OOEP: variants seen among roughly 807,000 people sequenced by gnomAD.
The protein encoded by OOEP is oocyte-expressed protein homolog.
Under a neutral mutation model 13.7 loss-of-function variants are expected in OOEP, and 16 were observed. The ratio of observed to expected loss-of-function variants is 1.16; its 90% CI spans 0.79 to 1.77. OOEP has a LOEUF of 1.77. OOEP is among the 40% of genes most tolerant of loss of function. The pLI is 0.00. For missense variants in OOEP, 195 were observed against 193.1 expected (o/e 1.01, Z -0.06); for synonymous variants, 89 against 77.1 (o/e 1.15, Z -0.81).
At chr6:73,375,580 A>G (rs776674537) in intron 2 of OOEP, among the ~76,000 whole-genome samples, 1 of 145,734 alleles carries the variant, frequency 6.9e-6, no homozygotes, top group Non-Finnish European at 1.5e-5. Flanking sequence ...TATATATAAA[A>G]CATATATATG....
intron 2 of OOEP, among the ~76,000 whole-genome samples, chr6:73,380,264 T>C (rs1055906694): frequency 6.6e-6 from 1 of 151,408 alleles, no homozygotes; most frequent in Non-Finnish European, 1.5e-5. Context: ...TTTTTTTTTT[T>C]TGAGACAGGG....
chr6:73,394,850 G>C, exon 1 of OOEP: 1 of 1,590,796 alleles, frequency 6.3e-7, no homozygotes, highest in Non-Finnish European at 8.6e-7. Context: ...CGACGTCACG[G>C]TCAGGTGGTG....
intron 2 of OOEP, among the ~76,000 whole-genome samples, chr6:73,389,526 C>G (rs992657171): frequency 6.6e-6 from 1 of 152,036 alleles, no homozygotes; most frequent in African/African-American, 2.4e-5. Flanking sequence ...TAGATTCCAC[C>G]GCTTTTTATC....
At chr6:73,375,169 G>T (rs993205720) in intron 2 of OOEP, among the ~76,000 whole-genome samples, 6 of 152,152 alleles carry the variant, frequency 3.9e-5, no homozygotes, top group Non-Finnish European at 8.8e-5. Flanking sequence ...TGACATACTT[G>T]AGTAGCTTTG....
chr6:73,381,550 A>G (rs542001647), intron 2 of OOEP, among the ~76,000 whole-genome samples: 2 of 152,384 alleles, frequency 1.3e-5, no homozygotes, highest in Non-Finnish European at 2.9e-5. Context: ...GCAGTGTTCC[A>G]GTAAAGCAGG....
At chr6:73,373,095 C>A (rs1769085614), upstream of OOEP, 3 of 1,588,756 alleles carry the variant, frequency 1.9e-6, no homozygotes, top group South Asian at 3.3e-5. Flanking sequence ...TGTGCCATCT[C>A]ATGTGCAATT....
In OOEP at chr6:73,369,663, G is replaced by A. The variant is rs1769013642; in HGVS notation, c.130C>T (p.Gln44Ter). 1.9e-6 allele frequency: 3 copies of A among 1,614,020 alleles called. No individual in the cohort carries two copies. The highest frequency in any genetic ancestry group is 2.5e-6 in the Non-Finnish European group (3 of 1,179,882). ...AACACCAAAGGGTCTCTCAGTTCCTGCACCGGAAACCACCAGGGCCGGATG... is the reference window on the plus strand; with the variant it reads ...AACACCAAAGGGTCTCTCAGTTCCTACACCGGAAACCACCAGGGCCGGATG... Reference protein sequence around the residue: ...IRIRPWWFPVQELRDPLVFYL... With the variant: ...IRIRPWWFPV Residue 44 changes from glutamine (Q) to a stop codon, truncating the protein, a stop_gained, in exon 1 of 3, where the codon CAG becomes TAG. Coordinates refer to ENST00000370359, the MANE Select transcript of OOEP (RefSeq NM_001080507.3). LOFTEE classifies it high-confidence loss of function.
upstream of OOEP, among the ~76,000 whole-genome samples, chr6:73,372,579 C>T (rs1437848090): frequency 6.6e-6 from 1 of 152,140 alleles, no homozygotes; most frequent in Non-Finnish European, 1.5e-5. Flanking sequence ...CTGAGCCTGC[C>T]AAAACAGGAG....
chr6:73,376,714 C>T (rs1769144598), intron 2 of OOEP, among the ~76,000 whole-genome samples: 1 of 150,760 alleles, frequency 6.6e-6, no homozygotes, highest in Non-Finnish European at 1.5e-5. Context: ...TGCACTGGTG[C>T]GATCTCGGCT....
upstream of OOEP, chr6:73,373,251 T>C (rs373802010): frequency 2.5e-6 from 4 of 1,611,856 alleles, no homozygotes; most frequent in Non-Finnish European, 3.4e-6. Flanking sequence ...CTGAAAGTCT[T>C]GTGAGAAGAC....
rs1769016746 is a variant in OOEP, at chr6:73,369,767, T to G, written c.26A>C (p.Glu9Ala). ...CGGAGTCTGTTTGCCCCGCTGGGAC[T>G]CAGCGGCACCAGCATCATCGACCAT... MVDDAGAA[E>A]SQRGKQTPAH... is the part of the protein sequence containing the mutation. Residue 9 changes from glutamate (E) to alanine (A), a missense_variant, in exon 1 of 3, where the codon GAG becomes GCG. Coordinates refer to ENST00000370359, the MANE Select transcript of OOEP (RefSeq NM_001080507.3). 1.1e-5 allele frequency: 17 copies of G among 1,613,768 alleles called. 1 individual carries two copies. Among genetic ancestry groups the G allele is most frequent in the Non-Finnish European group, 1.4e-5 (17 of 1,179,802 alleles).
chr6:73,389,715 G>A (rs752486598), intron 2 of OOEP, among the ~76,000 whole-genome samples: 3 of 146,222 alleles, frequency 2.1e-5, no homozygotes, highest in Non-Finnish European at 4.5e-5. Flanking sequence ...GAGGGGGGAA[G>A]GGATAGCATT....
chr6:73,381,520 T>G (rs1769208802), intron 2 of OOEP, among the ~76,000 whole-genome samples: 1 of 152,154 alleles, frequency 6.6e-6, no homozygotes, highest in African/African-American at 2.4e-5. Flanking sequence ...AGAAAGTTAG[T>G]CCTCACTTTG....
chr6:73,385,777 C>T (rs1277340477), intron 2 of OOEP, among the ~76,000 whole-genome samples: 1 of 151,902 alleles, frequency 6.6e-6, no homozygotes, highest in Non-Finnish European at 1.5e-5. Context: ...TTGGTAGAGA[C>T]GGGTTTCACC....
At chr6:73,376,683 A>C (rs1769144309) in intron 2 of OOEP, among the ~76,000 whole-genome samples, 1 of 151,170 alleles carries the variant, frequency 6.6e-6, no homozygotes, top group African/African-American at 2.4e-5. Flanking sequence ...ATGGAGTCTC[A>C]CTCTGTCACC....
chr6:73,394,163 G>A (rs1769401088), intron 2 of OOEP, among the ~76,000 whole-genome samples: 1 of 152,064 alleles, frequency 6.6e-6, no homozygotes, highest in Non-Finnish European at 1.5e-5. Context: ...GCAACATACT[G>A]GGAACTCCCA....
exon 1 of OOEP, chr6:73,394,734 T>A (rs570766975): frequency 2.6e-4 from 245 of 936,970 alleles, no homozygotes; most frequent in Admixed American, 5.8e-4. Context: ...AATGGCTGCG[T>A]GAAATCAGTG....
chr6:73,372,153 T>TA (rs1289497997), upstream of OOEP, among the ~76,000 whole-genome samples: 1 of 152,206 alleles, frequency 6.6e-6, no homozygotes, highest in African/African-American at 2.4e-5. Flanking sequence ...GAGACGCACT[T>TA]ACATTACTGT....
chr6:73,386,927 C>T (rs532405079), intron 2 of OOEP, among the ~76,000 whole-genome samples: 2 of 129,882 alleles, frequency 1.5e-5, no homozygotes, highest in African/African-American at 5.6e-5. Context: ...GAGATCATGC[C>T]ATTGCAGTCC....
Sources: gnomAD v4.1 joint callset for allele counts (sites outside exome capture counted in the v4.1 genomes callset) on GRCh38, gnomAD v4.1.1 for gene constraint, MANE v1.5 for transcripts, NCBI Gene and HGNC (gene_info 2026-07-23, HGNC 2026-07-21) for gene names.